Variants in NRG1 observed in about 807,000 individuals in gnomAD.
NRG1 encodes pro-neuregulin-1, membrane-bound isoform.
In NRG1, 18 loss-of-function variants were observed where a neutral mutation model predicts 63.8. The observed-to-expected ratio is 0.28, with a 90% CI of 0.19 to 0.42. The LOEUF (loss-of-function observed/expected upper bound fraction) is 0.42, where lower values mean the gene tolerates loss of function less well. Among genes scored for constraint, NRG1 ranks in the 10% least tolerant of loss-of-function variants. The pLI, the probability that NRG1 is intolerant of heterozygous loss-of-function variation, is 1.00. For synonymous variants in NRG1, 302 were observed against 301.3 expected (o/e 1.00, Z -0.02); for missense variants, 762 against 814.7 (o/e 0.94, Z 0.79).
chr8:32,672,686 A>G (rs149852716), intron 5 of NRG1, among the ~76,000 whole-genome samples: 3 of 152,282 alleles, frequency 2.0e-5, no homozygotes, highest in African/African-American at 7.2e-5. Flanking sequence ...TTCATTTAAT[A>G]TCTTTCATCT....
At chr8:32,551,909 G>GCT (rs1186350867) in intron 1 of NRG1, among the ~76,000 whole-genome samples, 1 of 115,514 alleles carries the variant, frequency 8.7e-6, no homozygotes, top group African/African-American at 3.5e-5. Flanking sequence ...CAAAACCAGA[G>GCT]CTTTTTTTTT....
chr8:32,534,257 T>C (rs1831742811), intron 1 of NRG1, among the ~76,000 whole-genome samples: 1 of 152,054 alleles, frequency 6.6e-6, no homozygotes, highest in Non-Finnish European at 1.5e-5. Context: ...CCTTGAAAAG[T>C]AAAAAGAACA....
intron 1 of NRG1, among the ~76,000 whole-genome samples, chr8:31,692,993 G>A (rs1440077174): frequency 1.3e-5 from 2 of 152,176 alleles, no homozygotes; most frequent in African/African-American, 4.8e-5. Context: ...TAACATCAGG[G>A]AAGTTATGCA....
At chr8:32,540,555 G>T (rs373175201) in intron 1 of NRG1, among the ~76,000 whole-genome samples, 10 of 152,110 alleles carry the variant, frequency 6.6e-5, no homozygotes, top group East Asian at 3.8e-4. Flanking sequence ...ACAAATCTCA[G>T]GTGTACTGAA....
At chr8:32,658,424 G>T in intron 5 of NRG1, among the ~76,000 whole-genome samples, 1 of 152,124 alleles carries the variant, frequency 6.6e-6, no homozygotes, top group East Asian at 1.9e-4. Flanking sequence ...ACATAGTTGG[G>T]TTATGTTATA....
intron 1 of NRG1, among the ~76,000 whole-genome samples, chr8:32,512,218 G>C (rs189636462): frequency 2.0e-5 from 3 of 152,052 alleles, no homozygotes; most frequent in African/African-American, 7.2e-5. Flanking sequence ...TAATACAGAC[G>C]TACATATTTG....
chr8:32,602,968 T>C (rs569915127), intron 2 of NRG1, among the ~76,000 whole-genome samples: 1 of 152,312 alleles, frequency 6.6e-6, no homozygotes, highest in East Asian at 1.9e-4. Flanking sequence ...TTGTTTTATT[T>C]CGATAATTTT....
At chr8:32,024,537 A>C (rs1282380644) in intron 1 of NRG1, among the ~76,000 whole-genome samples, 1 of 152,200 alleles carries the variant, frequency 6.6e-6, no homozygotes, top group Admixed American at 6.5e-5. Context: ...ATGGCTGGGA[A>C]ATAGCCTTTG....
chr8:32,302,228 C>T (rs1417744527), intron 1 of NRG1, among the ~76,000 whole-genome samples: 1 of 152,138 alleles, frequency 6.6e-6, no homozygotes, highest in African/African-American at 2.4e-5. Flanking sequence ...AGAAATATAG[C>T]ACAGCTCACA....
In NRG1 at chr8:32,539,956, T is replaced by C. The variant is rs190687289; in HGVS notation, c.38-55872T>C. On this transcript the variant is annotated intron_variant, in intron 1 of 10. Coordinates refer to the NRG1 transcript ENST00000519301. ...ACAATTTGGAAGGCACTGGTAAACT[T>C]TGAGCAGTTTAATTAGATTGGTGGA... is the stretch of plus-strand genomic sequence containing the variant. Among the ~76,000 whole-genome samples the C allele has an allele frequency of 7.9e-5, 12 of 152,224 alleles. No homozygotes were observed. The East Asian group carries it at 1.2e-3, about 15-fold the overall frequency.
At chr8:32,020,177 C>A (rs1439100212) in intron 1 of NRG1, among the ~76,000 whole-genome samples, 1 of 152,124 alleles carries the variant, frequency 6.6e-6, no homozygotes, top group Non-Finnish European at 1.5e-5. Flanking sequence ...TAGTTCATTT[C>A]TTTCACTAAT....
intron 1 of NRG1, among the ~76,000 whole-genome samples, chr8:32,066,658 C>T (rs533765520): frequency 7.7e-4 from 117 of 152,248 alleles, no homozygotes; most frequent in Non-Finnish European, 1.4e-3. Flanking sequence ...TTAGTGTTGA[C>T]TTGGCAATGA....
chr8:31,777,576 A>G (rs1238984676), intron 1 of NRG1, among the ~76,000 whole-genome samples: 1 of 152,228 alleles, frequency 6.6e-6, no homozygotes, highest in Non-Finnish European at 1.5e-5. Flanking sequence ...CATTTGTGTT[A>G]CTATAAAGGA....
At chr8:31,837,987 T>C (rs1825841128) in intron 1 of NRG1, among the ~76,000 whole-genome samples, 1 of 152,112 alleles carries the variant, frequency 6.6e-6, no homozygotes, top group African/African-American at 2.4e-5. Context: ...TTCCTTTGGA[T>C]ATATACCCAG....
chr8:32,371,990 TCA>T (rs1808932883), intron 1 of NRG1, among the ~76,000 whole-genome samples: 6 of 102,410 alleles, frequency 5.9e-5, no homozygotes, highest in Non-Finnish European at 8.0e-5. Flanking sequence ...TTCTTCTTCT[TCA>T]TTTTTTTTTT....
chr8:32,301,971 G>T (rs551904499), intron 1 of NRG1, among the ~76,000 whole-genome samples: 4 of 152,138 alleles, frequency 2.6e-5, no homozygotes, highest in African/African-American at 9.7e-5. Context: ...GATGCTGACT[G>T]GGGGGAGTGA....
intron 1 of NRG1, among the ~76,000 whole-genome samples, chr8:31,923,820 C>T (rs1270738656): frequency 6.6e-6 from 1 of 152,040 alleles, no homozygotes; most frequent in East Asian, 1.9e-4. Context: ...TGGAGGAAGG[C>T]ACATTGTACC....
intron 1 of NRG1, chr8:32,098,940 G>A (rs1266441211): frequency 2.0e-5 from 3 of 152,202 alleles, no homozygotes; most frequent in Non-Finnish European, 2.9e-5. Context: ...AAGGCAGTGA[G>A]CAGGAATTGC....
chr8:32,530,878 G>T lies in NRG1; in HGVS notation c.38-64950G>T, dbSNP rs374505614. ...AGGCTGAGGCAGGCAGATAATCTGA[G>T]GTCAGGAGTTCAAGACCAGCCTGAC... On this transcript the variant is annotated intron_variant, in intron 1 of 10. Transcript: ENST00000519301. Among the ~76,000 whole-genome samples the T allele has an allele frequency of 9.7e-4, 147 of 152,252 alleles. 3 individuals are homozygous for T. The South Asian group carries it at 0.028, about 29-fold the overall frequency.
Sources: gnomAD v4.1 joint callset for allele counts (sites outside exome capture counted in the v4.1 genomes callset) on GRCh38, gnomAD v4.1.1 for gene constraint, MANE v1.5 for transcripts, NCBI Gene and HGNC (gene_info 2026-07-23, HGNC 2026-07-21) for gene names.